HECW1: variants seen among roughly 807,000 people sequenced by gnomAD.
HECW1 encodes the protein HECT, C2 and WW domain containing E3 ubiquitin protein ligase 1.
A neutral mutation model predicts 182.3 loss-of-function variants in HECW1; 61 were observed. The ratio of observed to expected loss-of-function variants is 0.33; its 90% CI spans 0.27 to 0.41. HECW1 has a LOEUF of 0.41. Among genes scored for constraint, HECW1 ranks in the 10% least tolerant of loss-of-function variants. The probability of loss-of-function intolerance (pLI) is 1.00; values close to 1 mark genes in which losing one functional copy is unlikely to be tolerated. For missense variants in HECW1, 1,739 were observed against 2,108.9 expected, an observed-to-expected ratio of 0.82 and a Z score of 3.44; for synonymous variants, 859 against 832.6, an observed-to-expected ratio of 1.03 and a Z score of -0.55.
chr7:43,331,963 G>C (rs1335359602), intron 5 of HECW1, among the ~76,000 whole-genome samples: 2 of 152,158 alleles, frequency 1.3e-5, no homozygotes, highest in African/African-American at 4.8e-5. Context: ...AACAGTTATG[G>C]GACAGGACTT....
intron 6 of HECW1, among the ~76,000 whole-genome samples, chr7:43,393,933 C>T (rs73101304): frequency 0.019 from 2,961 of 152,244 alleles, 71 homozygotes; most frequent in African/African-American, 0.059. Flanking sequence ...TCTAGACTTA[C>T]GATTCTATAA....
At chr7:43,144,875 A>G (rs1366195644) in intron 2 of HECW1, among the ~76,000 whole-genome samples, 4 of 152,218 alleles carry the variant, frequency 2.6e-5, no homozygotes, top group Non-Finnish European at 2.9e-5. Context: ...TCGAAAACCC[A>G]ATTAAATTTT....
At chr7:43,330,594 G>A (rs1026186963) in intron 5 of HECW1, among the ~76,000 whole-genome samples, 3 of 152,232 alleles carry the variant, frequency 2.0e-5, no homozygotes, top group African/African-American at 7.2e-5. Context: ...CATCAAGGAT[G>A]TCATCAATAT....
chr7:43,448,528 C>T (rs2077133703), intron 11 of HECW1, among the ~76,000 whole-genome samples: 1 of 152,152 alleles, frequency 6.6e-6, no homozygotes, highest in Non-Finnish European at 1.5e-5. Context: ...CAGAATCTCC[C>T]TCAAAGTGTT....
At chr7:43,397,940 G>A (rs1490142195) in intron 7 of HECW1, among the ~76,000 whole-genome samples, 1 of 152,194 alleles carries the variant, frequency 6.6e-6, no homozygotes, top group Non-Finnish European at 1.5e-5. Context: ...GAACTCTTCT[G>A]TAAACCCAGA....
intron 2 of HECW1, among the ~76,000 whole-genome samples, chr7:43,128,896 A>G (rs569411718): frequency 8.5e-5 from 13 of 152,286 alleles, no homozygotes; most frequent in African/African-American, 2.2e-4. Flanking sequence ...GTCACTGCAG[A>G]TGGAATGGAA....
chr7:43,486,620 C>T lies in HECW1; in HGVS notation c.3235-5455C>T, dbSNP rs143723940. On this transcript the variant is annotated intron_variant, in intron 17 of 29. Transcript: ENST00000395891. ...CTGGCCTAATTTTATTTTTTTAAAG[C>T]AATTACACCTGACATTGTGACAGCT... Among the ~76,000 whole-genome samples the T allele has an allele frequency of 2.6e-3, 395 of 152,240 alleles. 2 individuals carry two copies. The highest frequency in any genetic ancestry group is 8.9e-3 in the African/African-American group (371 of 41,554).
At chr7:43,408,156 G>A (rs2075674879) in intron 8 of HECW1, among the ~76,000 whole-genome samples, 1 of 152,122 alleles carries the variant, frequency 6.6e-6, no homozygotes, top group Non-Finnish European at 1.5e-5. Context: ...AAAACTGGGA[G>A]GTTCCTGGGA....
intron 29 of HECW1, among the ~76,000 whole-genome samples, chr7:43,557,954 G>A (rs903875143): frequency 2.6e-5 from 4 of 152,178 alleles, no homozygotes; most frequent in Admixed American, 6.5e-5. Flanking sequence ...AATGACATGA[G>A]ATTCAAAGGA....
chr7:43,427,242 A>G (rs546044977), intron 8 of HECW1, among the ~76,000 whole-genome samples: 1 of 152,334 alleles, frequency 6.6e-6, no homozygotes, highest in East Asian at 1.9e-4. Flanking sequence ...AGTCAACCAT[A>G]TACTACACAC....
rs569338140 is a variant in HECW1 at position 43,479,832 on chromosome 7, A to G, written c.3234+88A>G. 2.4e-5 allele frequency: 36 copies of G among 1,504,078 alleles called. No homozygotes were observed. The Admixed American group carries it at 2.9e-4, about 12-fold the overall frequency. 93.2% of individuals were successfully genotyped at this position (1,504,078 alleles called of 1,614,324 possible). ...GCAGAACAGTTCTTCAGTGGCTAGGATCTAGGGTTGCCTGCGCTGGAAGAG... is the reference window on the plus strand; with the variant it reads ...GCAGAACAGTTCTTCAGTGGCTAGGGTCTAGGGTTGCCTGCGCTGGAAGAG... On this transcript the variant is annotated intron_variant, in intron 17 of 29. Transcript: ENST00000395891.
chr7:43,173,621 G>A (rs1381947956), intron 2 of HECW1, among the ~76,000 whole-genome samples: 2 of 152,140 alleles, frequency 1.3e-5, no homozygotes, highest in Non-Finnish European at 2.9e-5. Context: ...TTCACAGTGG[G>A]GTTCACCCTC....
chr7:43,551,329 GAGA>G lies in HECW1; in HGVS notation c.4395+745_4395+747del, dbSNP rs760195045. Among the ~76,000 whole-genome samples the G allele has an allele frequency of 1.2e-4, 18 of 152,284 alleles. No homozygotes were observed. In the South Asian group the frequency reaches 3.5e-3, roughly 30 times the overall value. Reference sequence around the variant, plus strand: ...CTCTAAGGAGGGAGGAAGGAAGTGAGAGAAGAAGAGAAGGAAAAGACAAATTTC... The same window carrying G: ...CTCTAAGGAGGGAGGAAGGAAGTGAGAGAAGAGAAGGAAAAGACAAATTTC... On this transcript the variant is annotated intron_variant, in intron 27 of 29. Transcript: ENST00000395891.
intron 15 of HECW1, among the ~76,000 whole-genome samples, 196 bp from the exon 16 acceptor site, chr7:43,468,724 G>T (rs944018535): frequency 3.9e-5 from 6 of 152,140 alleles, no homozygotes; most frequent in African/African-American, 1.4e-4. Flanking sequence ...GTCTCGCTAT[G>T]TAGCCCAGGC....
intron 3 of HECW1, among the ~76,000 whole-genome samples, chr7:43,277,815 C>T (rs932926645): frequency 1.8e-4 from 27 of 152,176 alleles, no homozygotes; most frequent in Non-Finnish European, 5.9e-5. Context: ...TTGGAAATTC[C>T]CCTGGCCCAT....
chr7:43,339,919 A>G (rs773284222), intron 5 of HECW1, among the ~76,000 whole-genome samples: 42 of 151,934 alleles, frequency 2.8e-4, no homozygotes, highest in Admixed American at 6.6e-4. Flanking sequence ...TCATGATTAG[A>G]TTTTTAGTCT....
At chr7:43,403,854 T>C (rs922488521) in intron 7 of HECW1, among the ~76,000 whole-genome samples, 1 of 152,224 alleles carries the variant, frequency 6.6e-6, no homozygotes. Context: ...AATTAGTTAT[T>C]TGAAATAACT....
intron 5 of HECW1, among the ~76,000 whole-genome samples, chr7:43,343,602 T>A (rs948971200): frequency 2.6e-5 from 4 of 151,828 alleles, no homozygotes; most frequent in Non-Finnish European, 5.9e-5. Context: ...GAACTCATCC[T>A]TTTTTATGGC....
intron 3 of HECW1, among the ~76,000 whole-genome samples, chr7:43,304,885 G>C (rs1198141766): frequency 1.3e-5 from 2 of 152,220 alleles, no homozygotes; most frequent in African/African-American, 4.8e-5. Context: ...CTGGGCTGCT[G>C]TCTTGGTGCC....
Sources: gnomAD v4.1 joint callset for allele counts (sites outside exome capture counted in the v4.1 genomes callset) on GRCh38, gnomAD v4.1.1 for gene constraint, MANE v1.5 for transcripts, NCBI Gene and HGNC (gene_info 2026-07-23, HGNC 2026-07-21) for gene names.